VAC14: variants seen among roughly 807,000 people sequenced by gnomAD.
VAC14 encodes the protein protein VAC14 homolog.
In VAC14, 47 loss-of-function variants were observed where a neutral mutation model predicts 85.3. The observed-to-expected ratio is 0.55, with a 90% CI of 0.44 to 0.70. The LOEUF is 0.70. VAC14 is among the 30% of genes least tolerant of loss of function. VAC14 has a pLI of 0.00. For synonymous variants in VAC14, 447 were observed against 430.5 expected, an observed-to-expected ratio of 1.04 and a Z score of -0.47; for missense variants, 861 against 1,004.3, an observed-to-expected ratio of 0.86 and a Z score of 1.93.
intron 10 of VAC14, among the ~76,000 whole-genome samples, chr16:70,764,763 C>T (rs1489290245): frequency 2.0e-5 from 3 of 152,214 alleles, no homozygotes; most frequent in African/African-American, 4.8e-5. Flanking sequence ...CGTTACGGTG[C>T]ACCTCGGTTC....
chr16:70,704,845 TG>T (rs2142993647), intron 14 of VAC14, among the ~76,000 whole-genome samples: 2 of 152,300 alleles, frequency 1.3e-5, no homozygotes, highest in East Asian at 3.9e-4. Flanking sequence ...GGTCTCCTTG[TG>T]GGGAGCTGAC....
chr16:70,712,570 T>C (rs1232151921), intron 14 of VAC14, among the ~76,000 whole-genome samples: 3 of 152,058 alleles, frequency 2.0e-5, no homozygotes, highest in African/African-American at 7.2e-5. Flanking sequence ...GTGAAGGCGG[T>C]GGACCTGGGC....
At chr16:70,729,768 A>G (rs1026475754) in intron 14 of VAC14, among the ~76,000 whole-genome samples, 2 of 151,948 alleles carry the variant, frequency 1.3e-5, no homozygotes, top group African/African-American at 2.4e-5. Context: ...AAAGCTCCAC[A>G]AGTGCAGAAC....
intron 14 of VAC14, among the ~76,000 whole-genome samples, chr16:70,719,051 C>G (rs1461194884): frequency 2.0e-5 from 3 of 152,162 alleles, no homozygotes; most frequent in African/African-American, 7.2e-5. Context: ...GTTCCCAGCT[C>G]CAGGCTGCAG....
rs1347857246 is a variant in VAC14 at position 70,690,300 on chromosome 16, C to T, written c.2187-2210G>A. ...CTGCCTGGGCTGCTGAGCACAGAGG[C>T]CAGGCCCGCTCTCCCTGCCCCACCT... On this transcript the variant is annotated intron_variant, in intron 18 of 18. Coordinates refer to ENST00000261776, the MANE Select transcript of VAC14 (RefSeq NM_018052.5). The T allele has an allele frequency of 1.2e-5, 12 of 985,494 alleles. No individual in the cohort carries two copies. The East Asian group carries it at 1.2e-3, about 103-fold the overall frequency. The allele number at this position is 985,494 out of a possible 1,614,324, so 61.0% of individuals were successfully genotyped here. A position where few individuals can be genotyped will look rare whatever the true frequency, so the allele number is the denominator to read the frequency against.
Position 70,800,999 on chromosome 16 carries a change from G to C in VAC14, c.-99C>G. 1.3e-6 allele frequency: 1 copy of C among 776,020 alleles called. No homozygotes were observed. The highest frequency in any genetic ancestry group is 1.9e-6 in the Non-Finnish European group (1 of 528,226). 48.1% of individuals were successfully genotyped at this position (776,020 alleles called of 1,614,324 possible). A position where few individuals can be genotyped will look rare whatever the true frequency, so the allele number is the denominator to read the frequency against. On this transcript the variant is annotated 5_prime_UTR_variant, in exon 1 of 19. Coordinates refer to ENST00000261776, the MANE Select transcript of VAC14 (RefSeq NM_018052.5). Reference sequence around the variant, plus strand: ...CGGCTCCGCTCTGCCCCCGGCGCCGGCGCATGGACCACGCCGCTCTAGGCT... The same window carrying C: ...CGGCTCCGCTCTGCCCCCGGCGCCGCCGCATGGACCACGCCGCTCTAGGCT...
At chr16:70,712,302 C>A (rs1414127432) in intron 14 of VAC14, among the ~76,000 whole-genome samples, 1 of 152,170 alleles carries the variant, frequency 6.6e-6, no homozygotes, top group Non-Finnish European at 1.5e-5. Context: ...AGGCGAGGCG[C>A]CCTATAGCAG....
At chr16:70,699,167 C>CCA (rs397804732) in intron 14 of VAC14, 2 of 239,454 alleles carry the variant, frequency 8.4e-6, no homozygotes, top group African/African-American at 2.2e-5. Flanking sequence ...CAATGGCCCC[C>CCA]ACCCCAGGCC....
intron 12 of VAC14, chr16:70,761,202 C>A (rs779346337): frequency 1.3e-5 from 6 of 455,784 alleles, no homozygotes; most frequent in South Asian, 9.3e-5. Flanking sequence ...GCCCGGGCCC[C>A]CCACAAGCCT....
chr16:70,781,878 G>C lies in VAC14; in HGVS notation c.937C>G (p.Arg313Gly). ...CCAAAGCAAAGGATACTTTTCTTGCGGTCATCGTAGGCCAAGCAGGGCAAG... is the reference window on the plus strand; with the variant it reads ...CCAAAGCAAAGGATACTTTTCTTGCCGTCATCGTAGGCCAAGCAGGGCAAG... Reference protein sequence around the residue: ...AVLPCLAYDDRKKSIKEVANV... With the variant: ...AVLPCLAYDDGKKSIKEVANV... Residue 313 changes from arginine to glycine, a missense_variant, in exon 8 of 19, where the codon CGC (arginine) becomes GGC (glycine). Physicochemically the swap from Arg to Gly is moderately radical, Grantham distance 125 (BLOSUM62 -2). This residue lies in a region of VAC14 where 629 missense variants were observed against 703.1 expected (regional missense o/e 0.89). Coordinates refer to ENST00000261776, the MANE Select transcript of VAC14 (RefSeq NM_018052.5). 6.2e-7 allele frequency: 1 copy of C among 1,613,976 alleles called. No individual in the cohort carries two copies. Among genetic ancestry groups the C allele is most frequent in the Non-Finnish European group, 8.5e-7 (1 of 1,179,952 alleles).
intron 14 of VAC14, among the ~76,000 whole-genome samples, chr16:70,710,958 G>T (rs1283780119): frequency 3.9e-5 from 6 of 152,272 alleles, no homozygotes; most frequent in Admixed American, 1.3e-4. Context: ...CCGGCCAGGG[G>T]CTGCCATTCT....
intron 3 of VAC14, 73 bp from the exon 4 acceptor site, chr16:70,784,911 G>A: frequency 7.4e-7 from 1 of 1,357,962 alleles, no homozygotes; most frequent in Non-Finnish European, 1.1e-6. Flanking sequence ...GGGATTTCCT[G>A]CAAATCCGCA....
At chr16:70,706,012 C>T (rs147192964) in intron 14 of VAC14, among the ~76,000 whole-genome samples, 1,665 of 152,296 alleles carry the variant, frequency 0.011, 86 homozygotes, top group Admixed American at 0.093. Context: ...AGAACCCTAT[C>T]GGGTTCTTCA....
At chr16:70,753,018 G>A (rs560104131) in intron 12 of VAC14, among the ~76,000 whole-genome samples, 56 of 151,386 alleles carry the variant, frequency 3.7e-4, no homozygotes, top group Admixed American at 5.9e-4. Flanking sequence ...GGGGGTGTGT[G>A]TGTGTGTGTG....
intron 14 of VAC14, among the ~76,000 whole-genome samples, chr16:70,719,500 A>G (rs1184271584): frequency 5.9e-5 from 9 of 152,232 alleles, no homozygotes; most frequent in Admixed American, 2.0e-4. Flanking sequence ...ACTCAGATTC[A>G]GAATATACAA....
intron 12 of VAC14, chr16:70,761,022 TGG>T (rs112696363): frequency 0.05 from 9,524 of 190,142 alleles, 1,535 homozygotes; most frequent in African/African-American, 0.4. Flanking sequence ...TGTGTGTGCA[TGG>T]GGGGGCGGGG....
At chr16:70,782,835 G>A (rs1369389636) in intron 7 of VAC14, among the ~76,000 whole-genome samples, 198 bp downstream of exon 7, 1 of 152,176 alleles carries the variant, frequency 6.6e-6, no homozygotes, top group Non-Finnish European at 1.5e-5. Context: ...GTGTCTCTGT[G>A]GTGACAGAAC....
At chr16:70,696,066 C>G (rs2053700641) in intron 16 of VAC14, among the ~76,000 whole-genome samples, 1 of 152,212 alleles carries the variant, frequency 6.6e-6, no homozygotes, top group Admixed American at 6.5e-5. Flanking sequence ...GGGAGCCAGG[C>G]AGGGCCACAC....
In VAC14 at chr16:70,800,958, G is replaced by A. The variant is rs944242239; in HGVS notation, c.-58C>T. 4.3e-5 allele frequency: 58 copies of A among 1,348,782 alleles called. No homozygotes were observed. The highest frequency in any genetic ancestry group is 5.7e-5 in the Non-Finnish European group (57 of 1,001,342). 83.6% of individuals were successfully genotyped at this position (1,348,782 alleles called of 1,614,324 possible). A position where few individuals can be genotyped will look rare whatever the true frequency, so the allele number is the denominator to read the frequency against. On this transcript the variant is annotated 5_prime_UTR_variant, in exon 1 of 19. Transcript: ENST00000261776. Reference sequence around the variant, plus strand: ...GCCCGCGGCTGCCGGGGCCGCGCCGGGGCCAGGGGAGTCTGCGGCTCCGCT... The same window carrying A: ...GCCCGCGGCTGCCGGGGCCGCGCCGAGGCCAGGGGAGTCTGCGGCTCCGCT...
Sources: allele counts gnomAD v4.1 joint callset (sites outside exome capture counted in the v4.1 genomes callset), GRCh38; gene constraint gnomAD v4.1.1; regional missense constraint gnomAD v4.1.1; transcripts MANE v1.5; gene names NCBI Gene and HGNC (gene_info 2026-07-23, HGNC 2026-07-21).